The following KIF26B variants were observed in gnomAD, a reference collection of about 807,000 sequenced individuals.
KIF26B encodes the protein kinesin family member 26B.
In KIF26B, 63 loss-of-function variants were observed where a neutral mutation model predicts 151.2. The observed-to-expected ratio is 0.42, with a 90% CI of 0.34 to 0.51. The LOEUF is 0.51. Among genes scored for constraint, KIF26B ranks in the 20% least tolerant of loss-of-function variants. The pLI, the probability that KIF26B is intolerant of heterozygous loss-of-function variation, is 0.07. For missense variants in KIF26B, 2,813 were observed against 2,913.6 expected, an observed-to-expected ratio of 0.97 and a Z score of 0.79; for synonymous variants, 1,357 against 1,262.1, an observed-to-expected ratio of 1.08 and a Z score of -1.59.
At chr1:245,402,733 A>G (rs143780666) in intron 3 of KIF26B, among the ~76,000 whole-genome samples, 43 of 152,340 alleles carry the variant, frequency 2.8e-4, no homozygotes, top group African/African-American at 9.1e-4. Flanking sequence ...TGGAAAATCA[A>G]CTGAAAAAAG....
intron 2 of KIF26B, among the ~76,000 whole-genome samples, chr1:245,354,438 C>T (rs1672637948): frequency 6.6e-6 from 1 of 152,236 alleles, no homozygotes; most frequent in South Asian, 2.1e-4. Context: ...CACGGTTTCA[C>T]ATGGCCAGGA....
At chr1:245,609,553 G>T in intron 8 of KIF26B, 25 bp downstream of exon 8, 1 of 1,487,480 alleles carries the variant, frequency 6.7e-7, no homozygotes, top group South Asian at 1.4e-5. Context: ...AGCCTGGCTC[G>T]CCCCAAGGTG....
At chr1:245,350,356 G>A (rs530428258) in intron 2 of KIF26B, among the ~76,000 whole-genome samples, 5 of 152,208 alleles carry the variant, frequency 3.3e-5, no homozygotes, top group South Asian at 4.2e-4. Flanking sequence ...CTCACCAAGC[G>A]GCAGGTCCTT....
At chr1:245,690,598 T>C (rs1160418824) in intron 12 of KIF26B, among the ~76,000 whole-genome samples, 4 of 152,198 alleles carry the variant, frequency 2.6e-5, no homozygotes, top group African/African-American at 9.6e-5. Context: ...GATGGTGTAG[T>C]TATGCAGATG....
At chr1:245,426,157 A>C (rs1369239788) in intron 4 of KIF26B, among the ~76,000 whole-genome samples, 1 of 151,978 alleles carries the variant, frequency 6.6e-6, no homozygotes, top group Non-Finnish European at 1.5e-5. Context: ...ACTCTGTTAC[A>C]TTAGTTAGAG....
chr1:245,432,701 T>C (rs1451410743), intron 4 of KIF26B, among the ~76,000 whole-genome samples: 1 of 152,208 alleles, frequency 6.6e-6, no homozygotes, highest in African/African-American at 2.4e-5. Context: ...AGATGTGTGA[T>C]ATTATGTGGT....
Position 245,707,654 on chromosome 1 carries a change from G to T in KIF26B, c.*5048G>T, listed in dbSNP as rs2044859044. ...AGTGGAAACATGGGCTGGGGGATGG[G>T]GAGAGGACAGATAAAGCAAGAGAAT... On this transcript the variant is annotated 3_prime_UTR_variant, in exon 15 of 15. Coordinates refer to ENST00000407071, the MANE Select transcript of KIF26B (RefSeq NM_018012.4). The T allele has an allele frequency of 6.6e-6, 1 of 152,174 alleles. No homozygotes were observed. The highest frequency in any genetic ancestry group is 1.5e-5 in the Non-Finnish European group (1 of 68,036). 9.4% of individuals were successfully genotyped at this position (152,174 alleles called of 1,614,324 possible).
Position 245,667,392 on chromosome 1 carries a change from T to C in KIF26B, c.2259-16841T>C, listed in dbSNP as rs930488136. Among the ~76,000 whole-genome samples, 31 of 152,134 alleles carry C rather than the reference T, an allele frequency of 2.0e-4. No individual in the cohort carries two copies. Among genetic ancestry groups the C allele is most frequent in the Non-Finnish European group, 3.7e-4 (25 of 68,016 alleles). ...TGGGGTTTCGCCATGTGTCCCAGGC[T>C]GGTCTCAAACTCCTGGATTCAGACA... On this transcript the variant is annotated intron_variant, in intron 10 of 14. Transcript: ENST00000407071. This position sits in a 1 kb window ranked among gnomAD's most constrained non-coding sequence, Gnocchi z 4.3.
At chr1:245,388,381 A>T (rs1034226135) in intron 3 of KIF26B, among the ~76,000 whole-genome samples, 2 of 152,182 alleles carry the variant, frequency 1.3e-5, no homozygotes, top group African/African-American at 4.8e-5. Context: ...CACTTGCAGG[A>T]TGCACTTTTA....
At chr1:245,525,222 A>C (rs534748430) in intron 4 of KIF26B, among the ~76,000 whole-genome samples, 17 of 152,354 alleles carry the variant, frequency 1.1e-4, no homozygotes, top group African/African-American at 3.4e-4. Context: ...GATCTAAGCC[A>C]AGACTGTCTA....
intron 3 of KIF26B, among the ~76,000 whole-genome samples, chr1:245,406,009 G>A (rs966442580): frequency 7.2e-5 from 11 of 152,126 alleles, no homozygotes; most frequent in African/African-American, 2.7e-4. Flanking sequence ...TGATATGTTT[G>A]TATGTTTTTG....
intron 4 of KIF26B, among the ~76,000 whole-genome samples, chr1:245,489,253 T>C (rs887049823): frequency 8.5e-5 from 13 of 152,358 alleles, no homozygotes; most frequent in Admixed American, 5.2e-4. Flanking sequence ...GACATCCTTT[T>C]CAACCCTCAG....
chr1:245,296,917 G>A (rs894994602), intron 2 of KIF26B, among the ~76,000 whole-genome samples: 3 of 152,134 alleles, frequency 2.0e-5, no homozygotes, highest in African/African-American at 7.2e-5. Context: ...TAGCTAGCAC[G>A]CTTAAGAGCA....
intron 10 of KIF26B, among the ~76,000 whole-genome samples, chr1:245,655,697 A>G (rs1306148885): frequency 6.6e-6 from 1 of 152,226 alleles, no homozygotes. Flanking sequence ...CGTGATTTGA[A>G]TATTTAAAGA....
chr1:245,417,031 G>GGGAC (rs1488497941), intron 3 of KIF26B, among the ~76,000 whole-genome samples: 1 of 152,128 alleles, frequency 6.6e-6, no homozygotes, highest in Non-Finnish European at 1.5e-5. Context: ...GAGGGAGGGA[G>GGGAC]TGTGATGGAA....
At chr1:245,640,592 ACTTC>A (rs1317568856) in intron 9 of KIF26B, among the ~76,000 whole-genome samples, 1 of 151,818 alleles carries the variant, frequency 6.6e-6, no homozygotes, top group African/African-American at 2.4e-5. Flanking sequence ...GTACCTCCTT[ACTTC>A]CTTTCTTATT....
rs574005223 is a variant in KIF26B, at chr1:245,609,362, G to A, written c.1748G>A (p.Arg583His). Reference sequence around the variant, plus strand: ...TGGCTCTTCAAGCTCATAAACGAACGCAAGGAAAAGACCGGCGCCCGTTTC... The same window carrying A: ...TGGCTCTTCAAGCTCATAAACGAACACAAGGAAAAGACCGGCGCCCGTTTC... ...ISWLFKLINE[R>H]KEKTGARFSV... The change falls in exon 8 of 15, where the codon CGC becomes CAC. Residue 583 changes from arginine to histidine, a missense_variant. Arg to His is a conservative substitution (Grantham distance 29). This residue lies in a region of KIF26B where 77 missense variants were observed against 136.9 expected (regional missense o/e 0.56). Coordinates refer to ENST00000407071, the MANE Select transcript of KIF26B (RefSeq NM_018012.4). The A allele has an allele frequency of 1.4e-5, 23 of 1,610,550 alleles. No homozygotes were observed. The highest frequency in any genetic ancestry group is 4.5e-5 in the East Asian group (2 of 44,820).
At position 245,629,996 on chromosome 1, in the gene KIF26B, G is replaced by C. The variant is rs535711898; in HGVS notation, c.2099-16125G>C. 1.8e-4 allele frequency among the ~76,000 whole-genome samples: 27 copies of C among 152,006 alleles called. 1 individual carries two copies. The South Asian group carries it at 4.4e-3, about 25-fold the overall frequency. On this transcript the variant is annotated intron_variant, in intron 9 of 14. Transcript: ENST00000407071. ...ACATGAAAGAAAGCTCAACATCACT[G>C]ATCATTAGAGAAATGCAAATCAAAA...
intron 5 of KIF26B, among the ~76,000 whole-genome samples, chr1:245,575,768 A>T (rs1174069273): frequency 4.6e-5 from 7 of 152,264 alleles, no homozygotes; most frequent in Non-Finnish European, 8.8e-5. Flanking sequence ...TGTCCATACG[A>T]GGAAAGGAGA....
Sources: gnomAD v4.1 joint callset for allele counts (sites outside exome capture counted in the v4.1 genomes callset) on GRCh38, gnomAD v4.1.1 for gene constraint, gnomAD v4.1.1 regional missense constraint, Gnocchi (gnomAD v3.1) non-coding constraint, MANE v1.5 for transcripts, NCBI Gene and HGNC (gene_info 2026-07-23, HGNC 2026-07-21) for gene names.